IL33: variants seen among roughly 807,000 people sequenced by gnomAD.
IL33 encodes the protein interleukin 33.
A neutral mutation model predicts 27.3 loss-of-function variants in IL33; 37 were observed. That is an observed-to-expected ratio of 1.36 (90% CI 1.04 to 1.78). IL33 has a LOEUF of 1.78. Ranked by LOEUF, IL33 falls within the 40% of genes most tolerant of loss-of-function variation. The pLI is 0.00. For missense variants in IL33, 406 were observed against 311.4 expected (o/e 1.30, Z -2.29); for synonymous variants, 132 against 102.9 (o/e 1.28, Z -1.71).
intron 1 of IL33, among the ~76,000 whole-genome samples, chr9:6,218,076 A>G (rs1358107680): frequency 2.0e-5 from 3 of 152,166 alleles, no homozygotes; most frequent in Non-Finnish European, 4.4e-5. Context: ...TCTATTTCCC[A>G]AAGTTTAGGG....
chr9:6,219,150 T>C (rs1818307046), intron 1 of IL33, among the ~76,000 whole-genome samples: 1 of 151,436 alleles, frequency 6.6e-6, no homozygotes, highest in Admixed American at 6.6e-5. Flanking sequence ...AGACCAAATA[T>C]AAACTCCTGA....
At chr9:6,226,113 T>G (rs1818615416) in intron 1 of IL33, among the ~76,000 whole-genome samples, 1 of 152,020 alleles carries the variant, frequency 6.6e-6, no homozygotes, top group Admixed American at 6.6e-5. Flanking sequence ...GCTCAAGCAA[T>G]CCTCCCACCT....
intron 1 of IL33, among the ~76,000 whole-genome samples, chr9:6,219,082 T>C (rs1370562254): frequency 6.6e-6 from 1 of 151,266 alleles, no homozygotes; most frequent in East Asian, 1.9e-4. Context: ...ATCAAGAGGT[T>C]CATTGGAATT....
At position 6,252,863 on chromosome 9, in the gene IL33, C is replaced by G. The variant is rs756990204; in HGVS notation, c.344-3C>G. 6.3e-7 allele frequency: 1 copy of G among 1,596,224 alleles called. No homozygotes were observed. Among genetic ancestry groups the G allele is most frequent in the Non-Finnish European group, 8.5e-7 (1 of 1,175,154 alleles). On this transcript the variant is annotated splice_region_variant and splice_polypyrimidine_tract_variant and intron_variant, in intron 4 of 7. Transcript: ENST00000682010. ...TGACAAATTTTTGAATTCTTAACAA[C>G]AGGAATTTCACCTATTACAGAGTAT... is the stretch of plus-strand genomic sequence containing the variant.
rs1006834925 is a variant in IL33, at chr9:6,250,458, T to A, written c.92-16T>A. 1 of 1,610,726 alleles carries A rather than the reference T, an allele frequency of 6.2e-7. No individual in the cohort carries two copies. ...GAATGGAATGAAACAGTCTCACAAG[T>A]TTTTCAATTGTTTAGAATCCCAACA... On this transcript the variant is annotated splice_polypyrimidine_tract_variant and intron_variant, in intron 2 of 7. Transcript: ENST00000682010.
At chr9:6,234,379 T>A (rs1319504958) in intron 1 of IL33, among the ~76,000 whole-genome samples, 1 of 152,156 alleles carries the variant, frequency 6.6e-6, no homozygotes, top group African/African-American at 2.4e-5. Flanking sequence ...CCCACCTGAG[T>A]TTCCTATTAT....
At chr9:6,239,791 CA>C (rs1384482259) in intron 1 of IL33, among the ~76,000 whole-genome samples, 1 of 152,108 alleles carries the variant, frequency 6.6e-6, no homozygotes, top group Non-Finnish European at 1.5e-5. Flanking sequence ...CCTCCCTATT[CA>C]ACTAGCCTCA....
At chr9:6,248,451 G>C (rs921979070) in intron 2 of IL33, among the ~76,000 whole-genome samples, 1 of 151,812 alleles carries the variant, frequency 6.6e-6, no homozygotes, top group African/African-American at 2.4e-5. Flanking sequence ...ATAAAAGTGA[G>C]TTCTCCGGAT....
At chr9:6,247,379 C>A (rs558416641) in intron 2 of IL33, among the ~76,000 whole-genome samples, 1 of 152,172 alleles carries the variant, frequency 6.6e-6, no homozygotes, top group South Asian at 2.1e-4. Flanking sequence ...GGGTAGTAAG[C>A]AGTTAAGAAG....
intron 1 of IL33, among the ~76,000 whole-genome samples, chr9:6,224,828 G>C (rs1818559342): frequency 6.6e-6 from 1 of 152,062 alleles, no homozygotes; most frequent in African/African-American, 2.4e-5. Context: ...TCTAAGGTAT[G>C]AACTTTTCAG....
chr9:6,236,477 C>A (rs556030774), intron 1 of IL33, among the ~76,000 whole-genome samples: 1 of 152,200 alleles, frequency 6.6e-6, no homozygotes, highest in South Asian at 2.1e-4. Flanking sequence ...CAATCTGTGT[C>A]CTTCTATATT....
Position 6,217,201 on chromosome 9 carries a change from G to A in IL33, c.-12+1349G>A, listed in dbSNP as rs74837563. Among the ~76,000 whole-genome samples, 380 of 152,180 alleles carry A rather than the reference G, an allele frequency of 2.5e-3. 1 individual carries two copies. Among genetic ancestry groups the A allele is most frequent in the African/African-American group, 8.9e-3 (370 of 41,520 alleles). Reference sequence around the variant, plus strand: ...AAAAGCCTGAACAGACATCTCTGAAGGTCAATCTTAGCTTATACAATAGTG... The same window carrying A: ...AAAAGCCTGAACAGACATCTCTGAAAGTCAATCTTAGCTTATACAATAGTG... On this transcript the variant is annotated intron_variant, in intron 1 of 7. Coordinates refer to ENST00000682010, the MANE Select transcript of IL33 (RefSeq NM_033439.4).
rs940371326 is a variant in IL33 at position 6,241,742 on chromosome 9, G to A, written c.48G>A (p.Lys16=). 1.2e-6 allele frequency: 2 copies of A among 1,612,018 alleles called. No homozygotes were observed. The highest frequency in any genetic ancestry group is 1.7e-4 in the Middle Eastern group (1 of 6,052). Residue 16 remains lysine, a synonymous_variant, in exon 2 of 8, where the codon AAG becomes AAA. Coordinates refer to ENST00000682010, the MANE Select transcript of IL33 (RefSeq NM_033439.4). The part of the protein sequence containing the change: ...KYSTNKISTA[K]WKNTASKALC... Reference sequence around the variant, plus strand: ...CAACCAACAAAATTTCCACAGCAAAGTGGAAGAACACAGCAAGCAAAGCCT... The same window carrying A: ...CAACCAACAAAATTTCCACAGCAAAATGGAAGAACACAGCAAGCAAAGCCT...
chr9:6,224,004 C>T (rs984236259), intron 1 of IL33, among the ~76,000 whole-genome samples: 4 of 152,188 alleles, frequency 2.6e-5, no homozygotes, highest in Admixed American at 6.5e-5. Context: ...GCGCTTACTC[C>T]TCACATGCCC....
At chr9:6,245,347 T>C (rs1468911436) in intron 2 of IL33, among the ~76,000 whole-genome samples, 1 of 152,240 alleles carries the variant, frequency 6.6e-6, no homozygotes, top group Non-Finnish European at 1.5e-5. Flanking sequence ...ATATCTTGCA[T>C]GGCAATAGTT....
chr9:6,249,622 C>T (rs938990263), intron 2 of IL33, among the ~76,000 whole-genome samples: 1 of 151,626 alleles, frequency 6.6e-6, no homozygotes, highest in Non-Finnish European at 1.5e-5. Context: ...TTTGTTAGTC[C>T]CTCAAATTGT....
At position 6,256,119 on chromosome 9, in the gene IL33, C is replaced by T. The variant is rs1443635600; in HGVS notation, c.764C>T (p.Ser255Phe). ...CTTGCTCTGATTAAAGTAGACTCTT[C>T]TGAGAATTTGTGTACTGAAAATATC... Reference protein sequence around the residue: ...NHLALIKVDSSENLCTENILF... With the variant: ...NHLALIKVDSFENLCTENILF... The change falls in exon 8 of 8, where the codon TCT becomes TTT. Residue 255 changes from serine (S) to phenylalanine (F), a missense_variant. By Grantham distance (155) the Ser-to-Phe change is radical. Coordinates refer to ENST00000682010, the MANE Select transcript of IL33 (RefSeq NM_033439.4). The T allele has an allele frequency of 1.2e-6, 2 of 1,613,384 alleles. No homozygotes were observed. Among genetic ancestry groups the T allele is most frequent in the Non-Finnish European group, 1.7e-6 (2 of 1,179,522 alleles).
rs752817305 is a variant in IL33, at chr9:6,256,188, C to G, written c.*20C>G. The G allele has an allele frequency of 6.3e-7, 1 of 1,590,600 alleles. No homozygotes were observed. Among genetic ancestry groups the G allele is most frequent in the South Asian group, 1.1e-5 (1 of 90,180 alleles). ...ACTTAGTTGATGGAAACCTGTGAGT[C>G]TTGGGTTGAGTACCCAAATGCTACC... On this transcript the variant is annotated 3_prime_UTR_variant, in exon 8 of 8. Coordinates refer to ENST00000682010, the MANE Select transcript of IL33 (RefSeq NM_033439.4).
intron 2 of IL33, among the ~76,000 whole-genome samples, chr9:6,249,787 G>A (rs1490492116): frequency 6.6e-6 from 1 of 152,126 alleles, no homozygotes; most frequent in Non-Finnish European, 1.5e-5. Context: ...GTAAAATGGG[G>A]ACAATAATGC....
Sources: gnomAD v4.1 joint callset for allele counts (sites outside exome capture counted in the v4.1 genomes callset) on GRCh38, gnomAD v4.1.1 for gene constraint, MANE v1.5 for transcripts, NCBI Gene and HGNC (gene_info 2026-07-23, HGNC 2026-07-21) for gene names.